The following NCALD variants were observed in gnomAD, a reference collection of about 807,000 sequenced individuals.
NCALD encodes the protein neurocalcin delta.
In NCALD, 10 loss-of-function variants were observed where a neutral mutation model predicts 18.6. The observed-to-expected ratio is 0.54, with a 90% confidence interval of 0.33 to 0.91. The LOEUF (loss-of-function observed/expected upper bound fraction) is 0.91. Ranked by LOEUF, NCALD falls within the 40% of genes least tolerant of loss-of-function variation. NCALD has a pLI of 0.03. For synonymous variants in NCALD, 88 were observed against 87.4 expected, an observed-to-expected ratio of 1.01 and a Z score of -0.04; for missense variants, 184 against 247.6, an observed-to-expected ratio of 0.74 and a Z score of 1.72.
intron 1 of NCALD, among the ~76,000 whole-genome samples, chr8:102,107,533 G>C (rs1359282912): frequency 6.6e-6 from 1 of 152,036 alleles, no homozygotes; most frequent in Non-Finnish European, 1.5e-5. Context: ...AGCTACAGAA[G>C]AGGGCTAAGG....
intron 2 of NCALD, among the ~76,000 whole-genome samples, chr8:101,711,387 G>A (rs955405348): frequency 1.3e-5 from 2 of 151,922 alleles, no homozygotes; most frequent in African/African-American, 2.4e-5. Flanking sequence ...AACCCCTCGC[G>A]GGCAAGGGAA....
At chr8:101,749,916 G>A (rs1810581027) in intron 1 of NCALD, 1 of 152,332 alleles carries the variant, frequency 6.6e-6, no homozygotes, top group African/African-American at 2.4e-5. Context: ...ATAGCAGCTG[G>A]ATGGTGGTGT....
At chr8:101,787,078 ATAC>A (rs1466146847) in intron 1 of NCALD, among the ~76,000 whole-genome samples, 4 of 152,224 alleles carry the variant, frequency 2.6e-5, no homozygotes, top group African/African-American at 9.6e-5. Flanking sequence ...ACAATAAAAA[ATAC>A]TACATTTTGG....
rs571572138 is a variant in NCALD, at chr8:102,080,346, G to A, written c.-210+43891C>T. The stretch of plus-strand genomic sequence containing the variant: ...CCTACAAGCATTCATTTCAAGACTG[G>A]CCTGCAGAATTACCCAAAAACAATA... On this transcript the variant is annotated intron_variant, in intron 1 of 6. Transcript: ENST00000311028. 7.2e-5 allele frequency among the ~76,000 whole-genome samples: 11 copies of A among 152,266 alleles called. No homozygotes were observed. In the South Asian group the frequency reaches 2.1e-3, roughly 29 times the overall value.
At position 101,957,587 on chromosome 8, in the gene NCALD, T is replaced by C. The variant is rs150799682; in HGVS notation, c.-156-41729A>G. 6.6e-5 allele frequency among the ~76,000 whole-genome samples: 10 copies of C among 152,154 alleles called. No homozygotes were observed. The East Asian group carries it at 1.9e-3, about 29-fold the overall frequency. On this transcript the variant is annotated intron_variant, in intron 2 of 6. Transcript: ENST00000311028. The stretch of plus-strand genomic sequence containing the variant: ...AGGATATTTGTTTTCCTACCAAAAA[T>C]AGTTGGAGTCTCCTAAAATGTGAAA...
chr8:101,774,718 G>A (rs772971162), intron 1 of NCALD, among the ~76,000 whole-genome samples: 1 of 152,178 alleles, frequency 6.6e-6, no homozygotes, highest in Non-Finnish European at 1.5e-5. Flanking sequence ...TCTACCCAAG[G>A]CATGTCAGTC....
At chr8:101,824,278 T>G (rs73696628) in intron 4 of NCALD, among the ~76,000 whole-genome samples, 2,625 of 152,264 alleles carry the variant, frequency 0.017, 63 homozygotes, top group African/African-American at 0.06. Flanking sequence ...ACTGGCCTTT[T>G]GTACCAGGGT....
intron 1 of NCALD, among the ~76,000 whole-genome samples, chr8:101,786,302 T>C (rs575333121): frequency 6.6e-6 from 1 of 152,310 alleles, no homozygotes; most frequent in African/African-American, 2.4e-5. Context: ...GGGTTCTCTA[T>C]GCCAGCAGCA....
At chr8:101,756,431 T>C (rs1166331594) in intron 1 of NCALD, among the ~76,000 whole-genome samples, 4 of 152,132 alleles carry the variant, frequency 2.6e-5, no homozygotes, top group Admixed American at 1.3e-4. Context: ...GGATAGGCAA[T>C]GAGTATCAGA....
At chr8:101,982,756 G>A (rs1268942518) in intron 2 of NCALD, among the ~76,000 whole-genome samples, 1 of 151,598 alleles carries the variant, frequency 6.6e-6, no homozygotes, top group Non-Finnish European at 1.5e-5. Context: ...CAGGAGAATT[G>A]CTTGAACCCG....
intron 4 of NCALD, among the ~76,000 whole-genome samples, chr8:101,839,764 T>C (rs181482107): frequency 7.9e-5 from 12 of 152,124 alleles, no homozygotes; most frequent in Admixed American, 5.2e-4. Context: ...GGTTTTGCCT[T>C]CCTTATGTCA....
chr8:102,029,327 G>A (rs529135553), intron 1 of NCALD, among the ~76,000 whole-genome samples: 1 of 152,138 alleles, frequency 6.6e-6, no homozygotes, highest in East Asian at 1.9e-4. Context: ...AAGTGTTTTT[G>A]GGGAGGACAG....
chr8:102,033,288 A>G (rs1420689154), intron 1 of NCALD, among the ~76,000 whole-genome samples: 1 of 152,150 alleles, frequency 6.6e-6, no homozygotes, highest in Non-Finnish European at 1.5e-5. Flanking sequence ...TGAAGGCTCA[A>G]TTGTCACTAA....
chr8:101,804,547 TA>T (rs1204782962), intron 4 of NCALD, among the ~76,000 whole-genome samples: 9 of 121,074 alleles, frequency 7.4e-5, no homozygotes, highest in African/African-American at 1.1e-4. Context: ...ATAATTAATA[TA>T]ATTGATTATA....
chr8:101,851,177 T>C lies in NCALD; in HGVS notation c.-20+35964A>G, dbSNP rs141332876. Among the ~76,000 whole-genome samples, 658 of 152,282 alleles carry C rather than the reference T, an allele frequency of 4.3e-3. 7 individuals carry two copies. The highest frequency in any genetic ancestry group is 0.015 in the African/African-American group (626 of 41,554). On this transcript the variant is annotated intron_variant, in intron 4 of 6. Transcript: ENST00000311028. ...AGATTAGTGTTCTTTAGCTTACATT[T>C]TGGGAAATGCTGAACTAGATTATAA...
chr8:101,830,590 T>C (rs1814138145), intron 4 of NCALD, among the ~76,000 whole-genome samples: 1 of 151,688 alleles, frequency 6.6e-6, no homozygotes, highest in African/African-American at 2.4e-5. Context: ...ACTTATTAGC[T>C]CAGATGACAT....
chr8:101,815,178 G>T (rs978486674), intron 4 of NCALD, among the ~76,000 whole-genome samples: 1 of 152,078 alleles, frequency 6.6e-6, no homozygotes, highest in Non-Finnish European at 1.5e-5. Flanking sequence ...TGAAGGAGAA[G>T]AACAGAGCTG....
chr8:101,919,328 T>C (rs1039450603), intron 2 of NCALD, among the ~76,000 whole-genome samples: 3 of 152,126 alleles, frequency 2.0e-5, no homozygotes, highest in Non-Finnish European at 2.9e-5. Flanking sequence ...GCTAGCCACA[T>C]GCAAAAGAAT....
chr8:101,846,636 G>A (rs551562818), intron 4 of NCALD, among the ~76,000 whole-genome samples: 20 of 152,210 alleles, frequency 1.3e-4, no homozygotes, highest in Admixed American at 9.2e-4. Flanking sequence ...TGGTGATGTC[G>A]AGACAAGCAG....
Sources: allele counts gnomAD v4.1 joint callset (sites outside exome capture counted in the v4.1 genomes callset), GRCh38; gene constraint gnomAD v4.1.1; transcripts MANE v1.5; gene names NCBI Gene and HGNC (gene_info 2026-07-23, HGNC 2026-07-21).